CDH18: variants seen among roughly 807,000 people sequenced by gnomAD.
CDH18 encodes the protein cadherin-18.
Under a neutral mutation model 67.9 loss-of-function variants are expected in CDH18, and 31 were observed. That is an observed-to-expected ratio of 0.46 (90% CI 0.34 to 0.62). The LOEUF is 0.62. Ranked by LOEUF, CDH18 falls within the 20% of genes least tolerant of loss-of-function variation. The pLI, the probability that CDH18 is intolerant of heterozygous loss-of-function variation, is 0.01. For missense variants in CDH18, 890 were observed against 975.5 expected (o/e 0.91, Z 1.17); for synonymous variants, 362 against 347.2 (o/e 1.04, Z -0.48).
At chr5:19,501,368 C>T (rs754617616) in intron 11 of CDH18, among the ~76,000 whole-genome samples, 35 of 148,886 alleles carry the variant, frequency 2.4e-4, no homozygotes, top group Non-Finnish European at 3.3e-4. Flanking sequence ...TTTGGGAGGC[C>T]GAGGCGGGTA....
chr5:19,473,155 C>CT lies in CDH18; in HGVS notation c.*70dup. On this transcript the variant is annotated 3_prime_UTR_variant, in exon 13 of 13. Coordinates refer to ENST00000382275, the MANE Select transcript of CDH18 (RefSeq NM_004934.5). ...CCAAGTACTGTTTCCACACTTCTTC[C>CT]TTGTCATTGCTGAGGTTGTATATCC... The CT allele has an allele frequency of 6.4e-7, 1 of 1,551,038 alleles. No individual in the cohort carries two copies. Among genetic ancestry groups the CT allele is most frequent in the South Asian group, 1.2e-5 (1 of 80,148 alleles).
chr5:19,764,101 G>T (rs1772749097), intron 3 of CDH18, among the ~76,000 whole-genome samples: 1 of 151,200 alleles, frequency 6.6e-6, no homozygotes, highest in Admixed American at 6.6e-5. Flanking sequence ...CCCAGGAGGT[G>T]GAGCTTGCAG....
intron 1 of CDH18, among the ~76,000 whole-genome samples, chr5:20,461,346 G>A (rs569119147): frequency 1.6e-4 from 25 of 152,014 alleles, no homozygotes; most frequent in South Asian, 1.0e-3. Flanking sequence ...ATATTTCTCC[G>A]TGTGTATCCC....
intron 5 of CDH18, among the ~76,000 whole-genome samples, chr5:19,675,333 T>C (rs910293791): frequency 1.3e-5 from 2 of 152,002 alleles, no homozygotes; most frequent in Non-Finnish European, 2.9e-5. Flanking sequence ...GACCAAAATT[T>C]ATCAGGCAGG....
At chr5:19,646,894 T>G (rs1259937847) in intron 5 of CDH18, among the ~76,000 whole-genome samples, 1 of 151,922 alleles carries the variant, frequency 6.6e-6, no homozygotes, top group Non-Finnish European at 1.5e-5. Flanking sequence ...AAAAGATGGA[T>G]GAGGATAAGG....
chr5:19,881,441 A>G (rs1159426671), intron 2 of CDH18, among the ~76,000 whole-genome samples: 1 of 151,988 alleles, frequency 6.6e-6, no homozygotes, highest in Non-Finnish European at 1.5e-5. Context: ...GTATCTGGTC[A>G]AACAGATTTA....
In CDH18 at chr5:19,824,056, A is replaced by T. The variant is rs574426444; in HGVS notation, c.228+14703T>A. On this transcript the variant is annotated intron_variant, in intron 3 of 12. Coordinates refer to ENST00000382275, the MANE Select transcript of CDH18 (RefSeq NM_004934.5). ...AGAAATACAAAAAAAAATAAAAAATAAAAGAATCCCAAAACTAACAGAAGT... is the reference window on the plus strand; with the variant it reads ...AGAAATACAAAAAAAAATAAAAAATTAAAGAATCCCAAAACTAACAGAAGT... Among the ~76,000 whole-genome samples the T allele has an allele frequency of 2.6e-5, 4 of 152,358 alleles. No homozygotes were observed. The South Asian group carries it at 8.3e-4, about 32-fold the overall frequency.
chr5:20,296,341 C>T (rs541326954), intron 1 of CDH18, among the ~76,000 whole-genome samples: 1 of 151,760 alleles, frequency 6.6e-6, no homozygotes, highest in Non-Finnish European at 1.5e-5. Flanking sequence ...GCAAGCTCCA[C>T]CTCCGGGGTT....
intron 5 of CDH18, among the ~76,000 whole-genome samples, chr5:19,669,728 A>G (rs1433133904): frequency 6.6e-6 from 1 of 152,170 alleles, no homozygotes; most frequent in Admixed American, 6.6e-5. Flanking sequence ...TTCCAGGATA[A>G]CAAGAAGGGC....
intron 5 of CDH18, among the ~76,000 whole-genome samples, chr5:19,673,609 C>G (rs1759063095): frequency 6.6e-6 from 1 of 151,982 alleles, no homozygotes; most frequent in Non-Finnish European, 1.5e-5. Flanking sequence ...AAATGTTTTA[C>G]TAGAATATTC....
chr5:20,157,765 C>T (rs543246369), intron 2 of CDH18, among the ~76,000 whole-genome samples: 1 of 152,048 alleles, frequency 6.6e-6, no homozygotes, highest in South Asian at 2.1e-4. Flanking sequence ...GCCCCAGCCT[C>T]CTGAGTAGCG....
intron 5 of CDH18, among the ~76,000 whole-genome samples, chr5:19,674,293 GC>G (rs1304584321): frequency 3.3e-5 from 5 of 151,884 alleles, no homozygotes; most frequent in African/African-American, 1.2e-4. Flanking sequence ...TAAAAAATTT[GC>G]AAAAATTTAT....
At chr5:20,525,425 A>G (rs371605441) in intron 1 of CDH18, among the ~76,000 whole-genome samples, 2 of 152,066 alleles carry the variant, frequency 1.3e-5, no homozygotes, top group African/African-American at 4.8e-5. Context: ...CAGGCTGAAA[A>G]GCAACACCCT....
chr5:20,220,407 G>A (rs1437581434), intron 2 of CDH18, among the ~76,000 whole-genome samples: 1 of 151,912 alleles, frequency 6.6e-6, no homozygotes, highest in Non-Finnish European at 1.5e-5. Context: ...ATAGTGCTGA[G>A]AGAAATGGAT....
At chr5:20,464,832 T>C (rs897567307) in intron 1 of CDH18, among the ~76,000 whole-genome samples, 7 of 152,076 alleles carry the variant, frequency 4.6e-5, no homozygotes, top group African/African-American at 1.7e-4. Flanking sequence ...AATAGCTGTG[T>C]TACTATGCAT....
At chr5:20,286,973 C>CT (rs34779499) in intron 1 of CDH18, among the ~76,000 whole-genome samples, 1 of 151,760 alleles carries the variant, frequency 6.6e-6, no homozygotes, top group Non-Finnish European at 1.5e-5. Flanking sequence ...TTTTGAGTAC[C>CT]TTTTTTTCCT....
chr5:20,299,858 A>C (rs1156648256), intron 1 of CDH18, among the ~76,000 whole-genome samples: 12 of 152,180 alleles, frequency 7.9e-5, no homozygotes, highest in Admixed American at 3.3e-4. Context: ...TAGTTTTGCA[A>C]ATAGTCAAGA....
rs79879535 is a variant in CDH18 at position 20,264,278 on chromosome 5, T to C, written c.-579-8773A>G. Among the ~76,000 whole-genome samples, 1,307 of 152,170 alleles carry C rather than the reference T, an allele frequency of 8.6e-3. 13 individuals carry two copies. The highest frequency in any genetic ancestry group is 0.013 in the Non-Finnish European group (886 of 67,960). Reference sequence around the variant, plus strand: ...CTGATGTTCTTGACCAAGTTACTAGTTTGCATATTGAGTTCTCCAAAGAAT... The same window carrying C: ...CTGATGTTCTTGACCAAGTTACTAGCTTGCATATTGAGTTCTCCAAAGAAT... On this transcript the variant is annotated intron_variant, in intron 1 of 14. Coordinates refer to the CDH18 transcript ENST00000507958.
chr5:19,659,419 AT>A (rs1438262874), intron 5 of CDH18, among the ~76,000 whole-genome samples: 1 of 152,132 alleles, frequency 6.6e-6, no homozygotes, highest in African/African-American at 2.4e-5. Flanking sequence ...CAAATAGTAA[AT>A]AAGAAAATCT....
Sources: allele counts gnomAD v4.1 joint callset (sites outside exome capture counted in the v4.1 genomes callset), GRCh38; gene constraint gnomAD v4.1.1; transcripts MANE v1.5; gene names NCBI Gene and HGNC (gene_info 2026-07-23, HGNC 2026-07-21).